The following KHDRBS2 variants were observed in gnomAD, a reference collection of about 807,000 sequenced individuals.
KHDRBS2 encodes KH RNA binding domain containing, signal transduction associated 2.
Under a neutral mutation model 44.3 loss-of-function variants are expected in KHDRBS2, and 26 were observed. The observed-to-expected ratio is 0.59, with a 90% confidence interval of 0.43 to 0.81. The LOEUF (loss-of-function observed/expected upper bound fraction) is 0.81. KHDRBS2 is among the 40% of genes least tolerant of loss of function. The probability of loss-of-function intolerance (pLI) is 0.00; values close to 1 mark genes in which losing one functional copy is unlikely to be tolerated. For synonymous variants in KHDRBS2, 194 were observed against 151.1 expected (o/e 1.28, Z -2.08); for missense variants, 476 against 433.1 (o/e 1.10, Z -0.88).
intron 6 of KHDRBS2, among the ~76,000 whole-genome samples, chr6:61,809,554 T>G (rs576367564): frequency 6.6e-6 from 1 of 152,158 alleles, no homozygotes; most frequent in Admixed American, 6.6e-5. Flanking sequence ...TGAGCTGATG[T>G]CAAATCAATA....
At chr6:62,128,933 A>C (rs1050374724) in intron 2 of KHDRBS2, among the ~76,000 whole-genome samples, 5 of 152,102 alleles carry the variant, frequency 3.3e-5, no homozygotes, top group African/African-American at 1.2e-4. Context: ...ATTCCTATGC[A>C]GTAACATAAC....
chr6:61,893,880 C>T (rs533106398), intron 6 of KHDRBS2, among the ~76,000 whole-genome samples: 1 of 151,580 alleles, frequency 6.6e-6, no homozygotes, highest in African/African-American at 2.4e-5. Context: ...CACATGTACC[C>T]TAAAACTTAA....
chr6:61,952,487 GT>G (rs1455016716), intron 4 of KHDRBS2, among the ~76,000 whole-genome samples: 1 of 152,032 alleles, frequency 6.6e-6, no homozygotes, highest in Admixed American at 6.6e-5. Flanking sequence ...AAACTAATAA[GT>G]ACCATACAGA....
chr6:62,024,151 C>G (rs1308243663), intron 3 of KHDRBS2, among the ~76,000 whole-genome samples: 1 of 151,178 alleles, frequency 6.6e-6, no homozygotes, highest in African/African-American at 2.4e-5. Context: ...TTTTTCTTCT[C>G]CACTCATTCA....
At chr6:62,149,401 C>T (rs1325912271) in intron 2 of KHDRBS2, among the ~76,000 whole-genome samples, 3 of 151,906 alleles carry the variant, frequency 2.0e-5, no homozygotes, top group African/African-American at 7.3e-5. Flanking sequence ...GGAGCCTTTC[C>T]TTATTCTGAA....
chr6:61,948,519 C>T (rs565752548), intron 4 of KHDRBS2, among the ~76,000 whole-genome samples: 3 of 151,876 alleles, frequency 2.0e-5, no homozygotes, highest in African/African-American at 7.3e-5. Context: ...ACCATCTATG[C>T]ACCTCTGAGC....
intron 2 of KHDRBS2, among the ~76,000 whole-genome samples, chr6:62,080,449 T>C (rs1351478384): frequency 6.6e-6 from 1 of 152,146 alleles, no homozygotes; most frequent in African/African-American, 2.4e-5. Flanking sequence ...CCTTTAATTA[T>C]GGGGATTGAT....
chr6:62,180,738 T>A (rs866300490), intron 1 of KHDRBS2, among the ~76,000 whole-genome samples: 51 of 151,878 alleles, frequency 3.4e-4, no homozygotes, highest in African/African-American at 1.2e-3. Flanking sequence ...ATGGCCAAAG[T>A]AATTTTGAGA....
the KHDRBS2 span, among the ~76,000 whole-genome samples, chr6:61,617,578 C>T: frequency 2.0e-5 from 3 of 151,986 alleles, no homozygotes; most frequent in Non-Finnish European, 4.4e-5. Context: ...TGTTAAAATA[C>T]AAATTAAGAA....
rs574902483 is a variant in KHDRBS2, at chr6:62,278,006, T to G, written c.91+7852A>C. On this transcript the variant is annotated intron_variant, in intron 1 of 8. Transcript: ENST00000281156. The stretch of plus-strand genomic sequence containing the variant: ...ATATAATATGGATATTTGCTAACAT[T>G]AATGTAGAATATCATCTATTAGTGG... 8.5e-5 allele frequency among the ~76,000 whole-genome samples: 13 copies of G among 152,292 alleles called. No homozygotes were observed. The East Asian group carries it at 2.3e-3, about 27-fold the overall frequency.
At chr6:61,574,785 C>G in the KHDRBS2 span, among the ~76,000 whole-genome samples, 2 of 151,818 alleles carry the variant, frequency 1.3e-5, no homozygotes, top group African/African-American at 2.4e-5. Context: ...GGCGGGGGCC[C>G]GTAATCCCAG....
the KHDRBS2 span, among the ~76,000 whole-genome samples, chr6:61,629,135 T>C: frequency 1.3e-5 from 2 of 152,238 alleles, no homozygotes; most frequent in African/African-American, 4.8e-5. Flanking sequence ...TTTGCTGATA[T>C]TCATTTGCTG....
chr6:61,919,157 C>A (rs1217351642), intron 4 of KHDRBS2, among the ~76,000 whole-genome samples: 2 of 151,738 alleles, frequency 1.3e-5, no homozygotes, highest in African/African-American at 4.8e-5. Flanking sequence ...GGGAACAAGA[C>A]TGTATGAAAT....
rs150378020 is a variant in KHDRBS2 at position 61,957,580 on chromosome 6, C to A, written c.483+20486G>T. Among the ~76,000 whole-genome samples the A allele has an allele frequency of 2.9e-3, 449 of 152,238 alleles. 20 individuals are homozygous for A. In the East Asian group the frequency reaches 0.08, roughly 27 times the overall value. On this transcript the variant is annotated intron_variant, in intron 4 of 8. Transcript: ENST00000281156. Reference sequence around the variant, plus strand: ...CGGTCTCCCGTAGTGCTCCCAGGCTCATTAGGACGAGGAAATTCCTGCCTA... The same window carrying A: ...CGGTCTCCCGTAGTGCTCCCAGGCTAATTAGGACGAGGAAATTCCTGCCTA...
chr6:62,203,769 A>AGCATTT (rs1554476443), intron 1 of KHDRBS2, among the ~76,000 whole-genome samples: 1 of 152,154 alleles, frequency 6.6e-6, no homozygotes, highest in Non-Finnish European at 1.5e-5. Flanking sequence ...AGCTATAACT[A>AGCATTT]GCATTTATTT....
rs35805614 is a variant in KHDRBS2, at chr6:62,049,493, CAA to C, written c.220-1501_220-1500del. Among the ~76,000 whole-genome samples the C allele has an allele frequency of 3.2e-3, 467 of 148,234 alleles. 2 individuals carry two copies. The highest frequency in any genetic ancestry group is 0.011 in the African/African-American group (453 of 40,372). ...TACTTAATTAGAAAGCAAAGAGCAC[CAA>C]AAAAAAAAAATCCCTAATGTATCAG... On this transcript the variant is annotated intron_variant, in intron 2 of 8. Coordinates refer to ENST00000281156, the MANE Select transcript of KHDRBS2 (RefSeq NM_152688.4).
chr6:62,053,716 C>T (rs571577069), intron 2 of KHDRBS2, among the ~76,000 whole-genome samples: 30 of 152,010 alleles, frequency 2.0e-4, no homozygotes, highest in Middle Eastern at 3.4e-3. Context: ...ACATTCTTGA[C>T]ACTTTATTCA....
chr6:62,057,493 T>A (rs950688433), intron 2 of KHDRBS2, among the ~76,000 whole-genome samples: 1 of 152,004 alleles, frequency 6.6e-6, no homozygotes, highest in Non-Finnish European at 1.5e-5. Flanking sequence ...TTTCAACCTA[T>A]ACTCAGTTCC....
chr6:62,098,106 A>T (rs945071209), intron 2 of KHDRBS2, among the ~76,000 whole-genome samples: 5 of 152,126 alleles, frequency 3.3e-5, no homozygotes, highest in Non-Finnish European at 7.4e-5. Flanking sequence ...TTCACCATTA[A>T]TATAGTCATT....
Sources: gnomAD v4.1 joint callset for allele counts (sites outside exome capture counted in the v4.1 genomes callset) on GRCh38, gnomAD v4.1.1 for gene constraint, MANE v1.5 for transcripts, NCBI Gene and HGNC (gene_info 2026-07-23, HGNC 2026-07-21) for gene names.